The following MIPOL1 variants were observed in gnomAD, a reference collection of about 807,000 sequenced individuals.
MIPOL1 encodes the protein mirror-image polydactyly 1.
A neutral mutation model predicts 60.9 loss-of-function variants in MIPOL1; 57 were observed. That is an observed-to-expected ratio of 0.94 (90% CI 0.76 to 1.17). The LOEUF is 1.17. Ranked by LOEUF, MIPOL1 falls within the 50% of genes most tolerant of loss-of-function variation. The pLI, the probability that MIPOL1 is intolerant of heterozygous loss-of-function variation, is 0.00. For synonymous variants in MIPOL1, 179 were observed against 168.8 expected (o/e 1.06, Z -0.47); for missense variants, 551 against 511.6 (o/e 1.08, Z -0.74).
At chr14:37,199,753 G>C (rs1000560351) in intron 1 of MIPOL1, among the ~76,000 whole-genome samples, 2 of 152,104 alleles carry the variant, frequency 1.3e-5, no homozygotes, top group African/African-American at 4.8e-5. Context: ...TCAAACTCCT[G>C]ACCTCAGCTG....
chr14:37,360,732 C>T (rs962960529), intron 9 of MIPOL1, among the ~76,000 whole-genome samples: 1 of 152,082 alleles, frequency 6.6e-6, no homozygotes, highest in Non-Finnish European at 1.5e-5. Context: ...GTCTTGCTAG[C>T]AGTCTATCAA....
chr14:37,224,106 A>G (rs1315912708), intron 1 of MIPOL1, among the ~76,000 whole-genome samples: 1 of 152,174 alleles, frequency 6.6e-6, no homozygotes, highest in Non-Finnish European at 1.5e-5. Flanking sequence ...CTGTATCTAA[A>G]TATTTATTTT....
chr14:37,419,615 TATAGTA>T (rs1332666308), intron 10 of MIPOL1, among the ~76,000 whole-genome samples: 1 of 152,202 alleles, frequency 6.6e-6, no homozygotes, highest in Non-Finnish European at 1.5e-5. Flanking sequence ...ATGTTTATAC[TATAGTA>T]AAAGTATAAA....
At chr14:37,524,315 A>G (rs1224796288) in intron 12 of MIPOL1, among the ~76,000 whole-genome samples, 2 of 152,120 alleles carry the variant, frequency 1.3e-5, no homozygotes, top group Non-Finnish European at 2.9e-5. Flanking sequence ...TGAGAGAAAT[A>G]GTGACATGAG....
intron 9 of MIPOL1, among the ~76,000 whole-genome samples, chr14:37,359,178 G>T (rs1361748552): frequency 6.6e-6 from 1 of 152,058 alleles, no homozygotes; most frequent in Non-Finnish European, 1.5e-5. Flanking sequence ...CCTCTGTTCT[G>T]TTCGATTGGT....
intron 6 of MIPOL1, among the ~76,000 whole-genome samples, chr14:37,274,857 C>T (rs1344339763): frequency 6.6e-6 from 1 of 151,156 alleles, no homozygotes; most frequent in African/African-American, 2.4e-5. Flanking sequence ...CTCAAGACTT[C>T]TTCATCTAAT....
At chr14:37,273,590 G>C (rs1247441597) in intron 6 of MIPOL1, among the ~76,000 whole-genome samples, 2 of 151,112 alleles carry the variant, frequency 1.3e-5, no homozygotes, top group Non-Finnish European at 3.0e-5. Flanking sequence ...CTTCCAAGGT[G>C]ATTGTATAAT....
At chr14:37,363,718 C>T (rs1293544967) in intron 9 of MIPOL1, among the ~76,000 whole-genome samples, 1 of 152,226 alleles carries the variant, frequency 6.6e-6, no homozygotes, top group Non-Finnish European at 1.5e-5. Flanking sequence ...GCCATTTGTT[C>T]AACTATGCCC....
intron 9 of MIPOL1, among the ~76,000 whole-genome samples, chr14:37,324,522 G>A (rs1290814957): frequency 2.0e-5 from 3 of 151,908 alleles, no homozygotes; most frequent in East Asian, 1.9e-4. Flanking sequence ...TTTTGCTTGC[G>A]TATTTATTTT....
At chr14:37,434,914 T>C (rs2094139681) in intron 11 of MIPOL1, among the ~76,000 whole-genome samples, 1 of 151,020 alleles carries the variant, frequency 6.6e-6, no homozygotes. Flanking sequence ...ATCAAATATC[T>C]CATTACCGTA....
intron 3 of MIPOL1, among the ~76,000 whole-genome samples, chr14:37,263,843 G>T (rs1281346828): frequency 6.6e-6 from 1 of 152,178 alleles, no homozygotes; most frequent in Non-Finnish European, 1.5e-5. Context: ...GGAATCAACA[G>T]GATGGTTTTA....
At chr14:37,286,973 G>A (rs2084626420) in intron 7 of MIPOL1, among the ~76,000 whole-genome samples, 1 of 152,194 alleles carries the variant, frequency 6.6e-6, no homozygotes, top group African/African-American at 2.4e-5. Flanking sequence ...TCTATATGTT[G>A]TCATATTTGA....
At chr14:37,387,807 A>G (rs2093116398) in intron 10 of MIPOL1, among the ~76,000 whole-genome samples, 1 of 151,946 alleles carries the variant, frequency 6.6e-6, no homozygotes, top group Admixed American at 6.6e-5. Context: ...ATTATAAAAT[A>G]TTGGGTGTTT....
chr14:37,247,801 T>C, intron 2 of MIPOL1, 28 bp from the exon 3 acceptor site: 3 of 1,340,672 alleles, frequency 2.2e-6, no homozygotes, highest in Non-Finnish European at 2.1e-6. Context: ...GTTTTCAGTT[T>C]ATTTATCTAG....
In MIPOL1 at chr14:37,535,498, T is replaced by A. The variant is rs1282265764; in HGVS notation, c.1263-11407T>A. Among the ~76,000 whole-genome samples, 3 of 152,184 alleles carry A rather than the reference T, an allele frequency of 2.0e-5. No homozygotes were observed. In the East Asian group the frequency reaches 5.8e-4, roughly 29 times the overall value. On this transcript the variant is annotated intron_variant, in intron 12 of 12. Transcript: ENST00000684589. ...GGAATTGTGAGATCTGAGTACAGCT[T>A]ATTCTCACTTTCTCACTGTTTTCCT...
intron 3 of MIPOL1, among the ~76,000 whole-genome samples, chr14:37,255,440 A>G (rs1345039460): frequency 6.6e-6 from 1 of 151,780 alleles, no homozygotes; most frequent in Admixed American, 6.6e-5. Context: ...TTAAATGATA[A>G]AATTATATAT....
At chr14:37,425,848 T>C (rs1188155596) in intron 11 of MIPOL1, among the ~76,000 whole-genome samples, 2 of 152,174 alleles carry the variant, frequency 1.3e-5, no homozygotes, top group African/African-American at 4.8e-5. Flanking sequence ...ACATTGGAAA[T>C]TCGGTGGCCA....
intron 11 of MIPOL1, among the ~76,000 whole-genome samples, chr14:37,425,262 C>T (rs12894536): frequency 0.23 from 34,481 of 152,066 alleles, 4,440 homozygotes; most frequent in South Asian, 0.36. Flanking sequence ...ACTGACATTA[C>T]TTCCTAACAA....
chr14:37,539,231 C>T (rs1232141551), intron 12 of MIPOL1, among the ~76,000 whole-genome samples: 1 of 152,020 alleles, frequency 6.6e-6, no homozygotes, highest in Non-Finnish European at 1.5e-5. Context: ...AAGAACTGCC[C>T]AGCTGAGCCA....
Sources: gnomAD v4.1 joint callset for allele counts (sites outside exome capture counted in the v4.1 genomes callset) on GRCh38, gnomAD v4.1.1 for gene constraint, MANE v1.5 for transcripts, NCBI Gene and HGNC (gene_info 2026-07-23, HGNC 2026-07-21) for gene names.